Variants in AMPH observed in about 807,000 individuals in gnomAD.
The protein encoded by AMPH is amphiphysin (Stiff-Mann syndrome with breast cancer 128kD autoantigen).
AMPH carries 49 observed loss-of-function variants against 99.1 expected under a neutral mutation model. The ratio of observed to expected loss-of-function variants is 0.49; its 90% confidence interval spans 0.39 to 0.63. The LOEUF (loss-of-function observed/expected upper bound fraction) is 0.63. Among genes scored for constraint, AMPH ranks in the 20% least tolerant of loss-of-function variants. The pLI is 0.00. For synonymous variants in AMPH, 314 were observed against 317.3 expected (o/e 0.99, Z 0.11); for missense variants, 759 against 863.4 (o/e 0.88, Z 1.52).
chr7:38,519,185 T>C (rs1789862047), intron 2 of AMPH, among the ~76,000 whole-genome samples: 2 of 152,224 alleles, frequency 1.3e-5, no homozygotes, highest in Non-Finnish European at 2.9e-5. Context: ...TCCAGAACTG[T>C]GAGAAATGAA....
intron 5 of AMPH, among the ~76,000 whole-genome samples, chr7:38,487,284 T>A (rs1788538187): frequency 6.6e-6 from 1 of 152,150 alleles, no homozygotes; most frequent in Non-Finnish European, 1.5e-5. Flanking sequence ...ACTACAAGGC[T>A]ACTGTAACCA....
At chr7:38,392,413 G>A in intron 18 of AMPH, among the ~76,000 whole-genome samples, 1 of 96,988 alleles carries the variant, frequency 1.0e-5, no homozygotes, top group East Asian at 3.5e-4. Context: ...TTGAGACAGA[G>A]TCTTGCTCTG....
At chr7:38,606,008 T>C (rs75683743) in intron 1 of AMPH, among the ~76,000 whole-genome samples, 1 of 152,190 alleles carries the variant, frequency 6.6e-6, no homozygotes, top group South Asian at 2.1e-4. Context: ...AAAACGCTCG[T>C]GTCCTTACAT....
chr7:38,587,012 TACAC>T (rs36077157), intron 1 of AMPH, among the ~76,000 whole-genome samples: 42,037 of 149,396 alleles, frequency 0.28, 6,064 homozygotes, highest in East Asian at 0.39. Flanking sequence ...ATTGTGTAAA[TACAC>T]ACACACACAC....
Position 38,394,084 on chromosome 7 carries a change from G to A in AMPH, c.1529C>T (p.Ala510Val). Reference protein sequence around the residue: ...PAGEGVSLEEAKIGTETTEGA... With the variant: ...PAGEGVSLEEVKIGTETTEGA... Reference sequence around the variant, plus strand: ...CTCAGTGGTTTCAGTTCCAATTTTGGCCTCCTCTAAACTTACTCCTTCCCC... The same window carrying A: ...CTCAGTGGTTTCAGTTCCAATTTTGACCTCCTCTAAACTTACTCCTTCCCC... The change falls in exon 18 of 21, where the codon GCC becomes GTC. Residue 510 changes from alanine (A) to valine (V), a missense_variant. Physicochemically the swap from Ala to Val is moderately conservative, Grantham distance 64. Around this residue, in one of 2 missense-constraint regions of AMPH, gnomAD observed 554 missense variants for 575.6 expected, o/e 0.96. Transcript: ENST00000356264. The A allele has an allele frequency of 1.2e-6, 2 of 1,614,110 alleles. No individual in the cohort carries two copies. The highest frequency in any genetic ancestry group is 8.5e-7 in the Non-Finnish European group (1 of 1,180,022).
intron 3 of AMPH, among the ~76,000 whole-genome samples, 154 bp downstream of exon 3, chr7:38,503,496 G>A (rs557626230): frequency 6.0e-5 from 4 of 67,032 alleles, no homozygotes; most frequent in Admixed American, 3.2e-4. Flanking sequence ...AATTTGGGGC[G>A]GGGGGGTGGG....
At chr7:38,541,439 A>T (rs1418972651) in intron 1 of AMPH, among the ~76,000 whole-genome samples, 4 of 152,196 alleles carry the variant, frequency 2.6e-5, no homozygotes, top group Non-Finnish European at 1.5e-5. Flanking sequence ...GAGGACTAAG[A>T]TGAAACACTA....
chr7:38,509,800 G>C (rs955607444), intron 2 of AMPH, among the ~76,000 whole-genome samples: 8 of 152,134 alleles, frequency 5.3e-5, no homozygotes, highest in African/African-American at 1.9e-4. Context: ...AAAAATCAAG[G>C]GCGACTTTAA....
intron 5 of AMPH, among the ~76,000 whole-genome samples, chr7:38,484,167 A>C (rs964884400): frequency 3.3e-5 from 5 of 152,148 alleles, no homozygotes; most frequent in African/African-American, 1.2e-4. Flanking sequence ...GGAGTCCCAG[A>C]AGGAGAAGAC....
At chr7:38,545,788 A>G (rs1174173216) in intron 1 of AMPH, among the ~76,000 whole-genome samples, 3 of 152,202 alleles carry the variant, frequency 2.0e-5, no homozygotes, top group Non-Finnish European at 4.4e-5. Context: ...ATATGCCCCA[A>G]CTGCCAGGAC....
At chr7:38,593,268 A>G (rs1413493569) in intron 1 of AMPH, among the ~76,000 whole-genome samples, 1 of 152,244 alleles carries the variant, frequency 6.6e-6, no homozygotes, top group African/African-American at 2.4e-5. Context: ...AGTGAAGCAG[A>G]AACTATTCTT....
At chr7:38,468,140 G>A (rs752676033) in intron 7 of AMPH, among the ~76,000 whole-genome samples, 6 of 152,096 alleles carry the variant, frequency 3.9e-5, no homozygotes, top group African/African-American at 7.2e-5. Flanking sequence ...TCAACTGGTC[G>A]CACTAGACTG....
rs376021326 is a variant in AMPH, at chr7:38,484,842, G to A, written c.396+6208C>T. Among the ~76,000 whole-genome samples, 4 of 151,818 alleles carry A rather than the reference G, an allele frequency of 2.6e-5. No individual in the cohort carries two copies. The East Asian group carries it at 5.8e-4, about 22-fold the overall frequency. ...TATATGCAAATTTTGACAATATAAA[G>A]TATACATGTGGTGAAAATAAAAGTA... On this transcript the variant is annotated intron_variant, in intron 5 of 20. Transcript: ENST00000356264.
At chr7:38,571,433 TTATATAGAATATATTTA>T (rs1402576971) in intron 1 of AMPH, among the ~76,000 whole-genome samples, 1 of 114,500 alleles carries the variant, frequency 8.7e-6, no homozygotes, top group East Asian at 2.4e-4. Flanking sequence ...TATAGAATAT[TTATATAGAATATATTTA>T]TATAGAATAT....
chr7:38,453,054 T>A (rs1255876751), intron 11 of AMPH, among the ~76,000 whole-genome samples: 2 of 152,208 alleles, frequency 1.3e-5, no homozygotes, highest in African/African-American at 4.8e-5. Flanking sequence ...CAAATGGTCA[T>A]TTAATCCATG....
At position 38,389,850 on chromosome 7, in the gene AMPH, C is replaced by A. The variant is rs1258466569; in HGVS notation, c.1934G>T (p.Arg645Met). The A allele has an allele frequency of 1.1e-5, 17 of 1,613,870 alleles. No homozygotes were observed. The highest frequency in any genetic ancestry group is 1.7e-5 in the Admixed American group (1 of 60,002). ...AANSDELTLQ[R>M]GDVVLVVPSD... is the part of the protein sequence containing the mutation. ...GGGGACCACCAGCACCACATCACCC[C>A]TTTGTAAGGTAAGTTCATCAGAATT... Residue 645 changes from arginine to methionine, a missense_variant, in exon 20 of 21, where the codon AGG becomes ATG. Coordinates refer to ENST00000356264, the MANE Select transcript of AMPH (RefSeq NM_001635.4).
At chr7:38,535,260 C>T (rs1012560217) in intron 1 of AMPH, among the ~76,000 whole-genome samples, 6 of 151,846 alleles carry the variant, frequency 4.0e-5, no homozygotes, top group Admixed American at 3.9e-4. Flanking sequence ...TGCTACACTG[C>T]ACTTATTTCT....
chr7:38,529,659 T>C (rs1332471971), intron 2 of AMPH, among the ~76,000 whole-genome samples: 1 of 152,230 alleles, frequency 6.6e-6, no homozygotes, highest in Non-Finnish European at 1.5e-5. Context: ...CATACTGCCA[T>C]TTAGAATTGG....
chr7:38,546,317 A>G (rs1004679176), intron 1 of AMPH, among the ~76,000 whole-genome samples: 1 of 152,178 alleles, frequency 6.6e-6, no homozygotes, highest in African/African-American at 2.4e-5. Flanking sequence ...GTGAAGCACT[A>G]ATTATTTTTG....
Sources: allele counts gnomAD v4.1 joint callset (sites outside exome capture counted in the v4.1 genomes callset), GRCh38; gene constraint gnomAD v4.1.1; regional missense constraint gnomAD v4.1.1; transcripts MANE v1.5; gene names NCBI Gene and HGNC (gene_info 2026-07-23, HGNC 2026-07-21).